The following SAMD12 variants were observed in gnomAD, a reference collection of about 807,000 sequenced individuals.
SAMD12 encodes sterile alpha motif domain-containing protein 12.
Under a neutral mutation model 15.0 loss-of-function variants are expected in SAMD12, and 9 were observed. The observed-to-expected ratio is 0.60, with a 90% CI of 0.36 to 1.05. The LOEUF is 1.05. SAMD12 is among the 50% of genes least tolerant of loss of function. The pLI, the probability that SAMD12 is intolerant of heterozygous loss-of-function variation, is 0.01. For missense variants in SAMD12, 230 were observed against 234.2 expected (o/e 0.98, Z 0.12); for synonymous variants, 86 against 90.1 (o/e 0.96, Z 0.25).
chr8:118,334,370 C>G (rs923351300), intron 4 of SAMD12, among the ~76,000 whole-genome samples: 2 of 152,116 alleles, frequency 1.3e-5, no homozygotes, highest in African/African-American at 4.8e-5. Flanking sequence ...CTTTGATATT[C>G]AGGAATGATT....
At chr8:118,542,422 C>T (rs998486814) in intron 2 of SAMD12, among the ~76,000 whole-genome samples, 1 of 152,090 alleles carries the variant, frequency 6.6e-6, no homozygotes, top group African/African-American at 2.4e-5. Flanking sequence ...ATATTTGCAA[C>T]AAATGTGAAT....
At position 118,197,831 on chromosome 8, in the gene SAMD12, C is replaced by T; in HGVS notation, c.434-99G>A. ...TCTTATTCAAACAAACCCTAACACCCTTAGGCCAAAGAGAAAGCTCTAGTC... is the reference window on the plus strand; with the variant it reads ...TCTTATTCAAACAAACCCTAACACCTTTAGGCCAAAGAGAAAGCTCTAGTC... On this transcript the variant is annotated intron_variant, in intron 4 of 4. Coordinates refer to the SAMD12 transcript ENST00000409003. The T allele has an allele frequency of 1.7e-5, 17 of 1,018,640 alleles. No individual in the cohort carries two copies. In the South Asian group the frequency reaches 2.0e-4, roughly 12 times the overall value. The allele number at this position is 1,018,640 out of a possible 1,614,324, so 63.1% of individuals were successfully genotyped here. A position where few individuals can be genotyped will look rare whatever the true frequency, so the allele number is the denominator to read the frequency against.
intron 2 of SAMD12, among the ~76,000 whole-genome samples, chr8:118,556,487 G>A (rs1047254618): frequency 2.6e-5 from 4 of 152,166 alleles, no homozygotes; most frequent in Admixed American, 6.5e-5. Context: ...CAAATGACAT[G>A]TTACATAAGT....
At chr8:118,214,326 C>G (rs1811905539) in intron 4 of SAMD12, among the ~76,000 whole-genome samples, 1 of 152,198 alleles carries the variant, frequency 6.6e-6, no homozygotes, top group Non-Finnish European at 1.5e-5. Context: ...GTATTTCACA[C>G]TGTTGTTCAC....
chr8:118,349,973 G>A (rs1441122277), intron 4 of SAMD12, among the ~76,000 whole-genome samples: 2 of 151,956 alleles, frequency 1.3e-5, no homozygotes, highest in Non-Finnish European at 2.9e-5. Context: ...ACAAAAAATT[G>A]AAAAGCTAGC....
At chr8:118,271,251 G>A (rs1442450923) in intron 4 of SAMD12, among the ~76,000 whole-genome samples, 1 of 152,092 alleles carries the variant, frequency 6.6e-6, no homozygotes, top group Non-Finnish European at 1.5e-5. Context: ...ATGGTAGCAG[G>A]AGAGAGAAGT....
At chr8:118,546,568 T>C (rs1000740609) in intron 2 of SAMD12, among the ~76,000 whole-genome samples, 1 of 152,170 alleles carries the variant, frequency 6.6e-6, no homozygotes, top group African/African-American at 2.4e-5. Context: ...TAAATTTAAA[T>C]GTTTAATCTC....
At chr8:118,278,308 T>C (rs1417191541) in intron 4 of SAMD12, among the ~76,000 whole-genome samples, 1 of 152,240 alleles carries the variant, frequency 6.6e-6, no homozygotes, top group East Asian at 1.9e-4. Flanking sequence ...GGTGACTACC[T>C]TGCCAATTCT....
At chr8:118,314,520 C>T (rs571412550) in intron 4 of SAMD12, among the ~76,000 whole-genome samples, 1 of 152,270 alleles carries the variant, frequency 6.6e-6, no homozygotes, top group East Asian at 1.9e-4. Context: ...TTTCCTTGTG[C>T]TATACTTTCA....
chr8:118,315,876 C>T (rs1815870542), intron 4 of SAMD12, among the ~76,000 whole-genome samples: 1 of 152,076 alleles, frequency 6.6e-6, no homozygotes, highest in African/African-American at 2.4e-5. Context: ...GAGTTATTAC[C>T]AGGTTTCCCC....
At chr8:118,260,070 TG>T (rs1813042591) in intron 4 of SAMD12, among the ~76,000 whole-genome samples, 1 of 152,122 alleles carries the variant, frequency 6.6e-6, no homozygotes, top group South Asian at 2.1e-4. Flanking sequence ...CTCAGGAAGC[TG>T]GCAGGTCACA....
At chr8:118,210,954 C>A (rs1811801313) in intron 4 of SAMD12, among the ~76,000 whole-genome samples, 1 of 152,162 alleles carries the variant, frequency 6.6e-6, no homozygotes, top group South Asian at 2.1e-4. Context: ...TGCTAAACAT[C>A]AGGGATATAA....
At chr8:118,548,674 C>T (rs758412526) in intron 2 of SAMD12, among the ~76,000 whole-genome samples, 14 of 152,248 alleles carry the variant, frequency 9.2e-5, no homozygotes, top group Admixed American at 3.3e-4. Flanking sequence ...AGAGAGTGGG[C>T]GCAGGTCAGT....
intron 3 of SAMD12, among the ~76,000 whole-genome samples, chr8:118,389,641 G>C (rs929102316): frequency 2.6e-5 from 4 of 152,038 alleles, no homozygotes; most frequent in African/African-American, 9.7e-5. Flanking sequence ...CTTGAACCCG[G>C]GAGGAGGAGG....
At chr8:118,254,416 T>C (rs1812886665) in intron 4 of SAMD12, among the ~76,000 whole-genome samples, 1 of 152,130 alleles carries the variant, frequency 6.6e-6, no homozygotes, top group Non-Finnish European at 1.5e-5. Flanking sequence ...GAGATTTTGA[T>C]TCATGCCGCG....
intron 2 of SAMD12, among the ~76,000 whole-genome samples, chr8:118,533,674 G>C (rs1314516697): frequency 6.6e-6 from 1 of 152,144 alleles, no homozygotes; most frequent in East Asian, 1.9e-4. Context: ...TTGTTGAATT[G>C]ATCCCTTTAC....
At chr8:118,467,734 C>T (rs1243813240) in intron 2 of SAMD12, among the ~76,000 whole-genome samples, 1 of 152,156 alleles carries the variant, frequency 6.6e-6, no homozygotes, top group Non-Finnish European at 1.5e-5. Context: ...TGTTTGAATC[C>T]TGCTCTGTCA....
intron 1 of SAMD12, among the ~76,000 whole-genome samples, chr8:118,593,331 A>T (rs1827634514): frequency 1.3e-5 from 2 of 151,824 alleles, no homozygotes; most frequent in African/African-American, 4.8e-5. Context: ...GTTGCTAAAG[A>T]CTCCTTAAAA....
At chr8:118,221,726 C>A (rs564099999) in intron 4 of SAMD12, among the ~76,000 whole-genome samples, 1 of 152,208 alleles carries the variant, frequency 6.6e-6, no homozygotes, top group East Asian at 1.9e-4. Flanking sequence ...GGGTGTGCCA[C>A]GGTCATAGTT....
Sources: gnomAD v4.1 joint callset for allele counts (sites outside exome capture counted in the v4.1 genomes callset) on GRCh38, gnomAD v4.1.1 for gene constraint, MANE v1.5 for transcripts, NCBI Gene and HGNC (gene_info 2026-07-23, HGNC 2026-07-21) for gene names.